Variants in LDB1 observed in about 807,000 individuals in gnomAD.
LDB1 encodes the protein LIM domain binding 1.
Under a neutral mutation model 49.7 loss-of-function variants are expected in LDB1, and 6 were observed. The ratio of observed to expected loss-of-function variants is 0.12; its 90% CI spans 0.07 to 0.24. LDB1 has a LOEUF of 0.24. Ranked by LOEUF, LDB1 falls within the 10% of genes least tolerant of loss-of-function variation. The pLI, the probability that LDB1 is intolerant of heterozygous loss-of-function variation, is 1.00. For synonymous variants in LDB1, 233 were observed against 202.0 expected, an observed-to-expected ratio of 1.15 and a Z score of -1.30; for missense variants, 341 against 561.7, an observed-to-expected ratio of 0.61 and a Z score of 3.97.
chr10:102,109,679 T>C lies in LDB1; in HGVS notation c.653A>G (p.Gln218Arg). Residue 218 changes from glutamine (Q) to arginine (R), a missense_variant, in exon 8 of 11, where the codon CAA becomes CGA. By Grantham distance (43) the Gln-to-Arg change is conservative. Coordinates refer to ENST00000673968, the MANE Select transcript of LDB1 (RefSeq NM_001113407.3). The surrounding 1 kb of genome is among the most constrained non-coding windows in gnomAD (Gnocchi z 5.8). ...IPRSILAMHA[Q>R]DPQMLDQLSK... The stretch of plus-strand genomic sequence containing the variant: ...GAGCTGATCCAACATCTGGGGGTCT[T>C]GGGCCTAGAGTGGGAGAAAAGACAA... 6.2e-7 allele frequency: 1 copy of C among 1,614,034 alleles called. No homozygotes were observed. Among genetic ancestry groups the C allele is most frequent in the Non-Finnish European group, 8.5e-7 (1 of 1,179,978 alleles).
rs2068351530 is a variant in LDB1 at position 102,117,631 on chromosome 10, G to A, written c.25+2455C>T. Among the ~76,000 whole-genome samples, 1 of 152,000 alleles carries A rather than the reference G, an allele frequency of 6.6e-6. No homozygotes were observed. ...CGGCCTCCCGTTGGCCTGGCGCTCT[G>A]CCATCCTCCTCTCCTGGCTCCCAGC... is the stretch of plus-strand genomic sequence containing the variant. On this transcript the variant is annotated intron_variant, in intron 1 of 10. Transcript: ENST00000673968. The surrounding 1 kb of genome is among the most constrained non-coding windows in gnomAD (Gnocchi z 4.2).
chr10:102,120,449 C>CCTCGCG (rs1225916065), upstream of LDB1: 13 of 964,838 alleles, frequency 1.3e-5, no homozygotes, highest in South Asian at 4.8e-5. Context: ...CCCTCTCCGC[C>CCTCGCG]CTCGCGCTCG....
At chr10:102,111,329 G>A (rs776444861) in intron 2 of LDB1, 29 bp from the exon 3 acceptor site, 1 of 1,612,474 alleles carries the variant, frequency 6.2e-7, no homozygotes, top group South Asian at 1.1e-5. Context: ...TATGAGAATG[G>A]GGGTTGAAGA....
At chr10:102,102,157 T>C (rs951448863), downstream of LDB1, among the ~76,000 whole-genome samples, 5 of 152,174 alleles carry the variant, frequency 3.3e-5, no homozygotes, top group Non-Finnish European at 7.4e-5. Context: ...ACTCCTGACC[T>C]CAGGTGATTC....
rs61874768 is a variant in LDB1, at chr10:102,120,361, G to T, written c.-251C>A. ...GTGTGCGCGCGGGTGTGAGTCCGCG[G>T]AGTGTGTGTCCGTGTGTGCGTGTGT... On this transcript the variant is annotated 5_prime_UTR_variant, in exon 1 of 11. Coordinates refer to ENST00000673968, the MANE Select transcript of LDB1 (RefSeq NM_001113407.3). 163,148 of 984,676 alleles carry T rather than the reference G, an allele frequency of 0.17. 14,453 individuals carry two copies. Among genetic ancestry groups the T allele is most frequent in the Non-Finnish European group, 0.18 (149,805 of 829,704 alleles). The allele number at this position is 984,676 out of a possible 1,614,324, so 61.0% of individuals were successfully genotyped here. A position where few individuals can be genotyped will look rare whatever the true frequency, so the allele number is the denominator to read the frequency against.
rs776042607 is a variant in LDB1, at chr10:102,111,286, T to C, written c.143A>G (p.Tyr48Cys). The C allele has an allele frequency of 6.2e-7, 1 of 1,614,118 alleles. No individual in the cohort carries two copies. Among genetic ancestry groups the C allele is most frequent in the Non-Finnish European group, 8.5e-7 (1 of 1,180,010 alleles). The change falls in exon 3 of 11, where the codon TAT (tyrosine) becomes TGT (cysteine). Residue 48 changes from tyrosine (Y) to cysteine (C), a missense_variant. Tyr to Cys is a radical substitution (Grantham distance 194). Coordinates refer to ENST00000673968, the MANE Select transcript of LDB1 (RefSeq NM_001113407.3). ...CCCTGGCTCCAGGTATGTAGGCGGA[T>C]ACATGGGAGTTGGGCTGTGTAAAGG... ...LDRDVGPTPM[Y>C]PPTYLEPGIG...
chr10:102,108,967 G>C (rs1345024077), intron 10 of LDB1, 62 bp downstream of exon 10: 1 of 1,608,388 alleles, frequency 6.2e-7, no homozygotes. Context: ...CTCAGGCTTG[G>C]AAAGGGGTCA....
intron 1 of LDB1, chr10:102,114,942 C>T: frequency 1.8e-6 from 1 of 555,412 alleles, no homozygotes; most frequent in Non-Finnish European, 2.3e-6. Flanking sequence ...GCCTGCCTTT[C>T]TCCCTTTCTC....
chr10:102,110,087 A>G, intron 6 of LDB1, 44 bp from the exon 7 acceptor site: 2 of 1,581,630 alleles, frequency 1.3e-6, no homozygotes. Flanking sequence ...CCCACATACC[A>G]TACCTGAAGG....
rs34707683 is a variant in LDB1, at chr10:102,109,643, A to G, written c.689T>C (p.Ile230Thr). 3 of 1,614,090 alleles carry G rather than the reference A, an allele frequency of 1.9e-6. No homozygotes were observed. Among genetic ancestry groups the G allele is most frequent in the Non-Finnish European group, 2.5e-6 (3 of 1,180,000 alleles). The change falls in exon 8 of 11, where the codon ATC becomes ACC. Residue 230 changes from isoleucine to threonine, a missense_variant. Physicochemically the swap from Ile to Thr is moderately conservative, Grantham distance 89. Around this residue, in one of 5 missense-constraint regions of LDB1, gnomAD observed 233 missense variants for 385.7 expected, o/e 0.60. Transcript: ENST00000673968. This position sits in a 1 kb window ranked among gnomAD's most constrained non-coding sequence, Gnocchi z 5.8. Reference sequence around the variant, plus strand: ...GGAATTGGACAGCCCACACCGAGTGATGTTTTTGGAGAGCTGATCCAACAT... The same window carrying G: ...GGAATTGGACAGCCCACACCGAGTGGTGTTTTTGGAGAGCTGATCCAACAT... ...PQMLDQLSKN[I>T]TRCGLSNSTL...
At chr10:102,105,985 TAAAC>T (rs1284400037), downstream of LDB1, among the ~76,000 whole-genome samples, 1 of 151,496 alleles carries the variant, frequency 6.6e-6, no homozygotes, top group African/African-American at 2.4e-5. Flanking sequence ...TCAAAATAAA[TAAAC>T]CAACTAACCA....
At chr10:102,112,880 G>A (rs2068275692) in intron 1 of LDB1, among the ~76,000 whole-genome samples, 1 of 152,140 alleles carries the variant, frequency 6.6e-6, no homozygotes, top group Admixed American at 6.5e-5. Flanking sequence ...CTGGAATACT[G>A]TTTTCTGACT....
chr10:102,109,623 T>C lies in LDB1; in HGVS notation c.709A>G (p.Asn237Asp). Residue 237 changes from asparagine to aspartate, a missense_variant, in exon 8 of 11, where the codon AAT becomes GAT. Coordinates refer to ENST00000673968, the MANE Select transcript of LDB1 (RefSeq NM_001113407.3). The surrounding 1 kb of genome is among the most constrained non-coding windows in gnomAD (Gnocchi z 5.8). ...ACTCGGAGGTAGTTGAGAGTGGAAT[T>C]GGACAGCCCACACCGAGTGATGTTT... ...SKNITRCGLS[N>D]STLNYLRLCV... 2 of 1,614,016 alleles carry C rather than the reference T, an allele frequency of 1.2e-6. No homozygotes were observed. The highest frequency in any genetic ancestry group is 1.7e-6 in the Non-Finnish European group (2 of 1,179,984).
Position 102,109,557 on chromosome 10 carries a change from G to T in LDB1, c.732+43C>A, listed in dbSNP as rs377573269. The stretch of plus-strand genomic sequence containing the variant: ...TGTCAGGGGACAGACATGGAGCCGA[G>T]ACTAAATGGACTGGGGCAGAAACTG... On this transcript the variant is annotated intron_variant, in intron 8 of 10. Coordinates refer to ENST00000673968, the MANE Select transcript of LDB1 (RefSeq NM_001113407.3). This position sits in a 1 kb window ranked among gnomAD's most constrained non-coding sequence, Gnocchi z 5.8. The T allele has an allele frequency of 3.9e-5, 63 of 1,613,992 alleles. No homozygotes were observed. Among genetic ancestry groups the T allele is most frequent in the Non-Finnish European group, 5.2e-5 (61 of 1,179,998 alleles).
intron 1 of LDB1, among the ~76,000 whole-genome samples, chr10:102,112,183 T>C (rs961847901): frequency 1.3e-5 from 2 of 152,210 alleles, no homozygotes; most frequent in Non-Finnish European, 1.5e-5. Context: ...GAATCTAATA[T>C]TGATAAACCC....
At position 102,109,478 on chromosome 10, in the gene LDB1, C is replaced by T; in HGVS notation, c.762G>A (p.Glu254=). 6.2e-7 allele frequency: 1 copy of T among 1,614,068 alleles called. No individual in the cohort carries two copies. The highest frequency in any genetic ancestry group is 8.5e-7 in the Non-Finnish European group (1 of 1,180,010). The change falls in exon 9 of 11, where the codon GAG becomes GAA. Residue 254 remains glutamate, a synonymous_variant. Coordinates refer to ENST00000673968, the MANE Select transcript of LDB1 (RefSeq NM_001113407.3). This position sits in a 1 kb window ranked among gnomAD's most constrained non-coding sequence, Gnocchi z 5.8. ...RLCVILEPMQ[E]LMSRHKTYSL... ...TGTAGGTCTTGTGGCGTGACATGAGCTCTTGCATGGGCTCGAGTATCACAC... is the reference window on the plus strand; with the variant it reads ...TGTAGGTCTTGTGGCGTGACATGAGTTCTTGCATGGGCTCGAGTATCACAC...
In LDB1 at chr10:102,109,812, A is replaced by G; in HGVS notation, c.648+109T>C. 1.3e-6 allele frequency: 2 copies of G among 1,562,596 alleles called. No homozygotes were observed. The highest frequency in any genetic ancestry group is 1.8e-6 in the Non-Finnish European group (2 of 1,142,286). ...CTTATTAAACCTGCTGTTCAGATGA[A>G]GAAACCCTAACCCTCTGTCTAAGTA... On this transcript the variant is annotated intron_variant, in intron 7 of 10. Transcript: ENST00000673968. The surrounding 1 kb of genome is among the most constrained non-coding windows in gnomAD (Gnocchi z 5.8).
At chr10:102,111,330 G>T (rs759330395) in intron 2 of LDB1, 30 bp from the exon 3 acceptor site, 31 of 1,612,286 alleles carry the variant, frequency 1.9e-5, no homozygotes, top group Non-Finnish European at 2.6e-5. Context: ...ATGAGAATGG[G>T]GGTTGAAGAT....
At position 102,111,524 on chromosome 10, in the gene LDB1, T is replaced by C. The variant is rs1355681900; in HGVS notation, c.38A>G (p.Lys13Arg). 2 of 1,532,174 alleles carry C rather than the reference T, an allele frequency of 1.3e-6. No individual in the cohort carries two copies. Among genetic ancestry groups the C allele is most frequent in the Admixed American group, 2.1e-5 (1 of 46,820 alleles). The allele number at this position is 1,532,174 out of a possible 1,614,324, so 94.9% of individuals were successfully genotyped here. Reference sequence around the variant, plus strand: ...CTTCGGCGAGTACAGCTTGAATGACTTTGAGGAACAACCTAGACGAGAAAG... The same window carrying C: ...CTTCGGCGAGTACAGCTTGAATGACCTTGAGGAACAACCTAGACGAGAAAG... ...VGCACPGCSS[K>R]SFKLYSPKEP... Residue 13 changes from lysine to arginine, a missense_variant, in exon 2 of 11, where the codon AAG becomes AGG. Transcript: ENST00000673968.
Sources: allele counts gnomAD v4.1 joint callset (sites outside exome capture counted in the v4.1 genomes callset), GRCh38; gene constraint gnomAD v4.1.1; regional missense constraint gnomAD v4.1.1; non-coding constraint Gnocchi (gnomAD v3.1); transcripts MANE v1.5; gene names NCBI Gene and HGNC (gene_info 2026-07-23, HGNC 2026-07-21).